The following TBC1D5 variants were observed in gnomAD, a reference collection of about 807,000 sequenced individuals.
TBC1D5 encodes the protein TBC1 domain family member 5.
Under a neutral mutation model 100.3 loss-of-function variants are expected in TBC1D5, and 75 were observed. That is an observed-to-expected ratio of 0.75 (90% CI 0.62 to 0.91). TBC1D5 has a LOEUF of 0.91. TBC1D5 is among the 40% of genes least tolerant of loss of function. TBC1D5 has a pLI of 0.00. For missense variants in TBC1D5, 910 were observed against 942.4 expected (o/e 0.97, Z 0.45); for synonymous variants, 323 against 325.6 (o/e 0.99, Z 0.09).
chr3:17,225,458 A>C (rs1298743152), intron 17 of TBC1D5, among the ~76,000 whole-genome samples: 2 of 145,124 alleles, frequency 1.4e-5, no homozygotes, highest in Admixed American at 1.4e-4. Flanking sequence ...AAAAAAAAAC[A>C]AAAAACAAAC....
chr3:17,625,470 T>C (rs1020804238), intron 1 of TBC1D5, among the ~76,000 whole-genome samples: 3 of 152,068 alleles, frequency 2.0e-5, no homozygotes, highest in Non-Finnish European at 2.9e-5. Context: ...ATCAACGATA[T>C]TTAATTTTTT....
chr3:17,721,216 G>C, intron 1 of TBC1D5, among the ~76,000 whole-genome samples: 1 of 151,882 alleles, frequency 6.6e-6, no homozygotes, highest in Admixed American at 6.6e-5. Context: ...GAAAAATCTA[G>C]GTCTATCAAA....
At position 17,476,898 on chromosome 3, in the gene TBC1D5, G is replaced by A. The variant is rs576950335; in HGVS notation, c.97+31576C>T. Among the ~76,000 whole-genome samples the A allele has an allele frequency of 1.1e-4, 16 of 151,940 alleles. No individual in the cohort carries two copies. In the South Asian group the frequency reaches 2.9e-3, roughly 28 times the overall value. ...TTATTGCTGGTATATTTGTAAGTGCGACTGATTTTGCACACGTTATATAAC... is the reference window on the plus strand; with the variant it reads ...TTATTGCTGGTATATTTGTAAGTGCAACTGATTTTGCACACGTTATATAAC... On this transcript the variant is annotated intron_variant, in intron 3 of 21. Transcript: ENST00000253692.
intron 2 of TBC1D5, among the ~76,000 whole-genome samples, chr3:17,518,211 G>C (rs759650935): frequency 9.2e-5 from 14 of 152,142 alleles, no homozygotes; most frequent in Non-Finnish European, 1.5e-4. Context: ...AAGCCGAAAT[G>C]CCTGAAACCC....
chr3:17,540,936 A>T (rs1273475308), intron 2 of TBC1D5, among the ~76,000 whole-genome samples: 16 of 148,828 alleles, frequency 1.1e-4, no homozygotes, highest in Non-Finnish European at 1.9e-4. Context: ...AAAAAAAGTA[A>T]GAAAAGAAAA....
At chr3:17,577,631 T>C (rs1015591521) in intron 2 of TBC1D5, among the ~76,000 whole-genome samples, 1 of 151,940 alleles carries the variant, frequency 6.6e-6, no homozygotes. Flanking sequence ...GTAAGTATCA[T>C]AAAGCCAAGA....
At chr3:17,541,953 T>C (rs1322598396) in intron 2 of TBC1D5, among the ~76,000 whole-genome samples, 2 of 152,190 alleles carry the variant, frequency 1.3e-5, no homozygotes, top group African/African-American at 4.8e-5. Flanking sequence ...ATTTATAAAT[T>C]AGGCAAGGTC....
At chr3:17,354,642 G>A (rs534933641) in intron 13 of TBC1D5, among the ~76,000 whole-genome samples, 18 of 151,172 alleles carry the variant, frequency 1.2e-4, no homozygotes, top group African/African-American at 4.1e-4. Flanking sequence ...CAGCTGATGT[G>A]TTTTATTACA....
chr3:17,347,215 T>C (rs2090009688), intron 13 of TBC1D5, among the ~76,000 whole-genome samples: 1 of 152,202 alleles, frequency 6.6e-6, no homozygotes, highest in Non-Finnish European at 1.5e-5. Context: ...GTTACTCAGC[T>C]TCTTGATGTC....
chr3:17,674,090 A>G (rs1308058319), intron 1 of TBC1D5, among the ~76,000 whole-genome samples: 1 of 152,142 alleles, frequency 6.6e-6, no homozygotes, highest in African/African-American at 2.4e-5. Flanking sequence ...GTGAGGTGTT[A>G]AACTTCTACA....
intron 18 of TBC1D5, among the ~76,000 whole-genome samples, chr3:17,186,160 C>G (rs2125535015): frequency 6.6e-6 from 1 of 150,992 alleles, no homozygotes; most frequent in South Asian, 2.1e-4. Flanking sequence ...ATTTTCCAGT[C>G]TTAGATCTAC....
intron 18 of TBC1D5, among the ~76,000 whole-genome samples, chr3:17,208,224 A>G (rs2125912271): frequency 6.6e-6 from 1 of 152,198 alleles, no homozygotes; most frequent in East Asian, 1.9e-4. Flanking sequence ...GCATTTTCCA[A>G]CTGTGCACTG....
intron 3 of TBC1D5, among the ~76,000 whole-genome samples, chr3:17,459,073 G>T (rs2095149608): frequency 6.6e-6 from 1 of 152,168 alleles, no homozygotes; most frequent in Non-Finnish European, 1.5e-5. Flanking sequence ...TAAGTTTAAA[G>T]AAATATTTTA....
intron 1 of TBC1D5, among the ~76,000 whole-genome samples, chr3:17,702,973 C>T (rs2073421355): frequency 6.6e-6 from 1 of 151,978 alleles, no homozygotes. Context: ...TATATTGATT[C>T]AAAGTTAATG....
intron 13 of TBC1D5, among the ~76,000 whole-genome samples, chr3:17,343,610 G>A (rs1336440558): frequency 6.6e-6 from 1 of 151,196 alleles, no homozygotes; most frequent in Admixed American, 6.6e-5. Flanking sequence ...ACTCTTTTTG[G>A]TTGGTAAGCT....
At chr3:17,540,346 C>T (rs1206898005) in intron 2 of TBC1D5, among the ~76,000 whole-genome samples, 1 of 152,116 alleles carries the variant, frequency 6.6e-6, no homozygotes, top group African/African-American at 2.4e-5. Flanking sequence ...TTCATGTAGT[C>T]CTCTATGTTG....
exon 5 of TBC1D5, chr3:17,406,510 G>C (rs1160886235): frequency 6.2e-7 from 1 of 1,611,640 alleles, no homozygotes; most frequent in Non-Finnish European, 8.5e-7. Flanking sequence ...TTTACAAATA[G>C]TTCTTCCCAT....
intron 8 of TBC1D5, among the ~76,000 whole-genome samples, chr3:17,394,950 A>T (rs1484758737): frequency 6.6e-6 from 1 of 152,094 alleles, no homozygotes; most frequent in Non-Finnish European, 1.5e-5. Context: ...TAAAGTGAAA[A>T]AAAAAAGGAA....
intron 2 of TBC1D5, among the ~76,000 whole-genome samples, chr3:17,568,928 G>T (rs367596559): frequency 1.1e-4 from 16 of 151,582 alleles, no homozygotes; most frequent in East Asian, 5.8e-4. Flanking sequence ...TTTCAAAAAA[G>T]TCACGGATCT....
Sources: gnomAD v4.1 joint callset for allele counts (sites outside exome capture counted in the v4.1 genomes callset) on GRCh38, gnomAD v4.1.1 for gene constraint, MANE v1.5 for transcripts, NCBI Gene and HGNC (gene_info 2026-07-23, HGNC 2026-07-21) for gene names.